Variants in MAP3K4 observed in about 807,000 individuals in gnomAD.
MAP3K4 encodes the protein MAP three kinase 1.
In MAP3K4, 67 loss-of-function variants were observed where a neutral mutation model predicts 185.6. That is an observed-to-expected ratio of 0.36 (90% CI 0.30 to 0.44). The LOEUF (loss-of-function observed/expected upper bound fraction) is 0.44, where lower values mean the gene tolerates loss of function less well. MAP3K4 is among the 20% of genes least tolerant of loss of function. The probability of loss-of-function intolerance (pLI) is 1.00; values close to 1 mark genes in which losing one functional copy is unlikely to be tolerated. For synonymous variants in MAP3K4, 702 were observed against 710.4 expected (o/e 0.99, Z 0.19); for missense variants, 1,551 against 1,995.1 (o/e 0.78, Z 4.24).
At chr6:161,015,314 G>T (rs1265758739) in intron 1 of MAP3K4, among the ~76,000 whole-genome samples, 1 of 151,746 alleles carries the variant, frequency 6.6e-6, no homozygotes, top group Non-Finnish European at 1.5e-5. Flanking sequence ...GTTGATGGTG[G>T]GGGGAGGGAG....
intron 18 of MAP3K4, 127 bp downstream of exon 18, chr6:161,102,119 G>A: frequency 8.6e-6 from 6 of 697,452 alleles, no homozygotes; most frequent in Non-Finnish European, 1.4e-5. Context: ...CTTTCTAAAG[G>A]AATGAAGAGT....
rs928140935 is a variant in MAP3K4, at chr6:160,996,881, C to T, written c.152+4798C>T. On this transcript the variant is annotated intron_variant, in intron 1 of 26. Coordinates refer to ENST00000392142, the MANE Select transcript of MAP3K4 (RefSeq NM_005922.4). The surrounding 1 kb of genome is among the most constrained non-coding windows in gnomAD (Gnocchi z 4.5). The stretch of plus-strand genomic sequence containing the variant: ...GCAAGGGAAATGAGTTGAATGATCC[C>T]GGTGACTCATGTTAGCAGACCAGTG... 1.3e-5 allele frequency among the ~76,000 whole-genome samples: 2 copies of T among 152,146 alleles called. No individual in the cohort carries two copies. Among genetic ancestry groups the T allele is most frequent in the African/African-American group, 4.8e-5 (2 of 41,428 alleles).
rs984404649 is a variant in MAP3K4, at chr6:161,063,568, C to T, written c.1708-7040C>T. On this transcript the variant is annotated intron_variant, in intron 3 of 26. Coordinates refer to ENST00000392142, the MANE Select transcript of MAP3K4 (RefSeq NM_005922.4). This position sits in a 1 kb window ranked among gnomAD's most constrained non-coding sequence, Gnocchi z 5.4. ...GAGGTCTGTGGACTGTTCTTCTTCCCATGTTCTCGATCTCCTCTTCTCTTT... is the reference window on the plus strand; with the variant it reads ...GAGGTCTGTGGACTGTTCTTCTTCCTATGTTCTCGATCTCCTCTTCTCTTT... 3.9e-5 allele frequency among the ~76,000 whole-genome samples: 6 copies of T among 152,286 alleles called. 1 individual carries two copies. In the South Asian group the frequency reaches 6.2e-4, roughly 16 times the overall value.
chr6:161,009,198 A>G (rs1052200985), intron 1 of MAP3K4, among the ~76,000 whole-genome samples: 7 of 151,988 alleles, frequency 4.6e-5, no homozygotes, highest in Admixed American at 1.3e-4. Context: ...GTTGGCCAGG[A>G]TGGTCTCCAT....
chr6:161,111,763 G>A (rs1415924249), intron 23 of MAP3K4, 73 bp from the exon 24 acceptor site: 21 of 1,444,414 alleles, frequency 1.5e-5, no homozygotes, highest in South Asian at 1.1e-4. Context: ...GTTCCTGGTC[G>A]TTTAGATTAC....
chr6:161,095,974 T>C (rs1242079105), intron 15 of MAP3K4, among the ~76,000 whole-genome samples: 1 of 152,206 alleles, frequency 6.6e-6, no homozygotes, highest in Non-Finnish European at 1.5e-5. Context: ...GTTCCCAGTA[T>C]CTTTGCTCAA....
chr6:161,096,894 G>T lies in MAP3K4; in HGVS notation c.3428-186G>T. The T allele has an allele frequency of 1.9e-6, 1 of 515,698 alleles. No homozygotes were observed. The highest frequency in any genetic ancestry group is 2.9e-5 in the East Asian group (1 of 34,422). 31.9% of individuals were successfully genotyped at this position (515,698 alleles called of 1,614,324 possible). On this transcript the variant is annotated intron_variant, in intron 15 of 26. Coordinates refer to ENST00000392142, the MANE Select transcript of MAP3K4 (RefSeq NM_005922.4). This position sits in a 1 kb window ranked among gnomAD's most constrained non-coding sequence, Gnocchi z 4.9. ...TGTTAATATATAATAGGGCTTTACT[G>T]ACTTTTAAAAAGTGACATTTTCCAT... is the stretch of plus-strand genomic sequence containing the variant.
intron 1 of MAP3K4, among the ~76,000 whole-genome samples, chr6:160,994,277 C>T (rs943995614): frequency 6.6e-6 from 1 of 152,160 alleles, no homozygotes; most frequent in African/African-American, 2.4e-5. Context: ...AATATGTAGT[C>T]TATTCCTCAC....
At chr6:161,021,492 A>G (rs1435396031) in intron 1 of MAP3K4, among the ~76,000 whole-genome samples, 3 of 152,070 alleles carry the variant, frequency 2.0e-5, no homozygotes, top group African/African-American at 7.2e-5. Flanking sequence ...TTTCTGTGCA[A>G]TTTCTTCGGA....
At chr6:161,031,044 T>C (rs117838779) in intron 1 of MAP3K4, among the ~76,000 whole-genome samples, 5,854 of 152,312 alleles carry the variant, frequency 0.038, 151 homozygotes, top group South Asian at 0.072. Flanking sequence ...TTTTGTCTTA[T>C]TTTAATATTT....
Position 161,067,814 on chromosome 6 carries a change from T to C in MAP3K4, c.1708-2794T>C, listed in dbSNP as rs1294210554. Among the ~76,000 whole-genome samples, 2 of 152,246 alleles carry C rather than the reference T, an allele frequency of 1.3e-5. No individual in the cohort carries two copies. Among genetic ancestry groups the C allele is most frequent in the African/African-American group, 2.4e-5 (1 of 41,460 alleles). On this transcript the variant is annotated intron_variant, in intron 3 of 26. Transcript: ENST00000392142. This position sits in a 1 kb window ranked among gnomAD's most constrained non-coding sequence, Gnocchi z 6.3. ...GAAGGCATATCCTCGTTTCTGTCATTAAGTGTATCTCAGTTATGCCAAGTA... is the reference window on the plus strand; with the variant it reads ...GAAGGCATATCCTCGTTTCTGTCATCAAGTGTATCTCAGTTATGCCAAGTA...
In MAP3K4 at chr6:161,048,889, T is replaced by C. The variant is rs754629705; in HGVS notation, c.617T>C (p.Ile206Thr). The C allele has an allele frequency of 1.4e-5, 22 of 1,614,076 alleles. No individual in the cohort carries two copies. The East Asian group carries it at 4.7e-4, about 34-fold the overall frequency. Residue 206 changes from isoleucine to threonine, a missense_variant, in exon 3 of 27, where the codon ATA becomes ACA. Ile to Thr is a moderately conservative substitution (Grantham distance 89, BLOSUM62 -1). Coordinates refer to ENST00000392142, the MANE Select transcript of MAP3K4 (RefSeq NM_005922.4). The surrounding 1 kb of genome is among the most constrained non-coding windows in gnomAD (Gnocchi z 4.7). Reference sequence around the variant, plus strand: ...CTTCCAGTATCTGTGCCCATGCCTATAGCCAGACCTGCACGCCAGACTTCT... The same window carrying C: ...CTTCCAGTATCTGTGCCCATGCCTACAGCCAGACCTGCACGCCAGACTTCT... ...AKLPVSVPMP[I>T]ARPARQTSRT...
At chr6:161,057,533 A>G (rs1216305990) in intron 3 of MAP3K4, among the ~76,000 whole-genome samples, 1 of 152,204 alleles carries the variant, frequency 6.6e-6, no homozygotes, top group Non-Finnish European at 1.5e-5. Context: ...ACGTGTGCCT[A>G]GCCATTCTGA....
At chr6:161,006,590 C>T (rs1009927826) in intron 1 of MAP3K4, among the ~76,000 whole-genome samples, 11 of 152,030 alleles carry the variant, frequency 7.2e-5, no homozygotes, top group African/African-American at 2.7e-4. Flanking sequence ...AGAATCAATC[C>T]CTCGTAGATA....
intron 4 of MAP3K4, among the ~76,000 whole-genome samples, chr6:161,072,922 C>G (rs1052532888): frequency 5.9e-5 from 9 of 151,940 alleles, no homozygotes; most frequent in South Asian, 2.1e-4. Flanking sequence ...TGATTTTTAT[C>G]TAATTCCATC....
intron 1 of MAP3K4, among the ~76,000 whole-genome samples, chr6:161,031,746 A>G (rs1044504156): frequency 2.6e-5 from 4 of 152,166 alleles, no homozygotes; most frequent in African/African-American, 9.7e-5. Context: ...CACCTTTACA[A>G]CTGAATTTCC....
chr6:161,111,780 A>C (rs568373271), intron 23 of MAP3K4, 56 bp from the exon 24 acceptor site: 1 of 1,582,526 alleles, frequency 6.3e-7, no homozygotes, highest in African/African-American at 1.3e-5. Context: ...TTACCATGTA[A>C]CCTTGCCCAC....
chr6:161,050,467 A>G (rs999252286), intron 3 of MAP3K4, among the ~76,000 whole-genome samples: 4 of 152,190 alleles, frequency 2.6e-5, no homozygotes, highest in African/African-American at 9.6e-5. Context: ...AATTATAGAG[A>G]AATGTCAGAA....
At chr6:161,092,281 T>TA (rs1777358426) in intron 13 of MAP3K4, 138 bp downstream of exon 13, 1 of 979,542 alleles carries the variant, frequency 1.0e-6, no homozygotes, top group South Asian at 3.1e-5. Flanking sequence ...AGGTTTTTTT[T>TA]AATGGAAAAA....
Sources: gnomAD v4.1 joint callset for allele counts (sites outside exome capture counted in the v4.1 genomes callset) on GRCh38, gnomAD v4.1.1 for gene constraint, Gnocchi (gnomAD v3.1) non-coding constraint, MANE v1.5 for transcripts, NCBI Gene and HGNC (gene_info 2026-07-23, HGNC 2026-07-21) for gene names.